The following KIF1B variants were observed in gnomAD, a reference collection of about 807,000 sequenced individuals.
KIF1B encodes kinesin-like protein KIF1B.
KIF1B carries 76 observed loss-of-function variants against 241.9 expected under a neutral mutation model. The observed-to-expected ratio is 0.31, with a 90% CI of 0.26 to 0.38. The LOEUF is 0.38. Ranked by LOEUF, KIF1B falls within the 10% of genes least tolerant of loss-of-function variation. The pLI, the probability that KIF1B is intolerant of heterozygous loss-of-function variation, is 1.00. For synonymous variants in KIF1B, 750 were observed against 796.7 expected (o/e 0.94, Z 0.99); for missense variants, 1,622 against 2,271.4 (o/e 0.71, Z 5.81).
chr1:10,328,750 G>C (rs1651813262), intron 27 of KIF1B, among the ~76,000 whole-genome samples: 1 of 152,218 alleles, frequency 6.6e-6, no homozygotes, highest in Non-Finnish European at 1.5e-5. Flanking sequence ...GTGAGGAGAA[G>C]CCTGACCTAA....
At chr1:10,269,825 T>A (rs527615369) in intron 7 of KIF1B, among the ~76,000 whole-genome samples, 11 of 152,150 alleles carry the variant, frequency 7.2e-5, no homozygotes, top group East Asian at 1.9e-4. Flanking sequence ...TCTCAAAAAA[T>A]ATATATATAT....
In KIF1B at chr1:10,334,602, C is replaced by T. The variant is rs965146326; in HGVS notation, c.3007C>T (p.Arg1003Trp). ...CATCGTCAGTGAGAAAGGTGAAGTG[C>T]GGGGATTTCTGCGTGTGGCTGTACA... The part of the protein sequence containing the change: ...VAIVSEKGEV[R>W]GFLRVAVQAI... Residue 1003 changes from arginine (R) to tryptophan (W), a missense_variant, in exon 28 of 49, where the codon CGG becomes TGG. Arg to Trp is a moderately radical substitution (Grantham distance 101). Coordinates refer to ENST00000676179, the MANE Select transcript of KIF1B (RefSeq NM_001365951.3). The T allele has an allele frequency of 6.8e-6, 11 of 1,613,780 alleles. No individual in the cohort carries two copies. Among genetic ancestry groups the T allele is most frequent in the Middle Eastern group, 1.6e-4 (1 of 6,084 alleles).
chr1:10,265,133 C>T (rs1017401823), intron 5 of KIF1B, among the ~76,000 whole-genome samples: 2 of 151,836 alleles, frequency 1.3e-5, no homozygotes, highest in African/African-American at 4.8e-5. Flanking sequence ...GTGTGTGGCT[C>T]CCAAAGTGCT....
At position 10,377,938 on chromosome 1, in the gene KIF1B, A is replaced by G. The variant is rs552772019; in HGVS notation, c.*1351A>G. 5 of 158,378 alleles carry G rather than the reference A, an allele frequency of 3.2e-5. No homozygotes were observed. The highest frequency in any genetic ancestry group is 2.0e-4 in the Admixed American group (3 of 15,172). 9.8% of individuals were successfully genotyped at this position (158,378 alleles called of 1,614,324 possible). A position where few individuals can be genotyped will look rare whatever the true frequency, so the allele number is the denominator to read the frequency against. On this transcript the variant is annotated 3_prime_UTR_variant, in exon 49 of 49. Coordinates refer to ENST00000676179, the MANE Select transcript of KIF1B (RefSeq NM_001365951.3). ...GTGACAGAGCAAGACTCTGCCTCAG[A>G]AAAAAAAAAAAATAATAATGCTGGG...
chr1:10,261,250 G>A (rs1254384936), intron 4 of KIF1B, among the ~76,000 whole-genome samples: 2 of 149,910 alleles, frequency 1.3e-5, no homozygotes, highest in Non-Finnish European at 3.0e-5. Context: ...TTACAGGCGT[G>A]AGCCACTGCA....
chr1:10,303,442 A>C lies in KIF1B; in HGVS notation c.2115+6196A>C. On this transcript the variant is annotated intron_variant, in intron 22 of 48. Transcript: ENST00000676179. The surrounding 1 kb of genome is among the most constrained non-coding windows in gnomAD (Gnocchi z 5.2). ...CTATGAGGTTGCTCTCAATGACTTCAGGCACAGTCGGCAGGAGATTGAAGC... is the reference window on the plus strand; with the variant it reads ...CTATGAGGTTGCTCTCAATGACTTCCGGCACAGTCGGCAGGAGATTGAAGC... 1 of 1,614,244 alleles carries C rather than the reference A, an allele frequency of 6.2e-7. No homozygotes were observed. Among genetic ancestry groups the C allele is most frequent in the South Asian group, 1.1e-5 (1 of 91,090 alleles).
Position 10,334,544 on chromosome 1 carries a change from G to T in KIF1B, c.2949G>T (p.Leu983=). The T allele has an allele frequency of 1.2e-6, 2 of 1,613,880 alleles. No homozygotes were observed. The highest frequency in any genetic ancestry group is 2.2e-5 in the South Asian group (2 of 91,058). The change falls in exon 28 of 49, where the codon CTG becomes CTT. Residue 983 remains leucine (L), a synonymous_variant. Transcript: ENST00000676179. ...GGGCATTTGTTTACCTGAGCAATCT[G>T]CTGTATCCCGTGCCCCTGATCCACA... The part of the protein sequence containing the change: ...VGRAFVYLSN[L]LYPVPLIHRV...
intron 28 of KIF1B, among the ~76,000 whole-genome samples, 185 bp from the exon 29 acceptor site, chr1:10,336,472 C>CT (rs1265689823): frequency 6.6e-6 from 1 of 152,170 alleles, no homozygotes; most frequent in East Asian, 1.9e-4. Flanking sequence ...ATTGACTAGT[C>CT]TCATTTGAGC....
intron 15 of KIF1B, among the ~76,000 whole-genome samples, chr1:10,290,432 T>C (rs1401863602): frequency 6.6e-6 from 1 of 152,194 alleles, no homozygotes; most frequent in African/African-American, 2.4e-5. Flanking sequence ...TAGTGTGTTA[T>C]GGCGAAATTG....
chr1:10,342,091 A>G lies in KIF1B; in HGVS notation c.3555A>G (p.Lys1185=), dbSNP rs1212106048. Residue 1185 remains lysine (K), a synonymous_variant, in exon 33 of 49, where the codon AAA becomes AAG. Transcript: ENST00000676179. ...CTGAATCATTTGTGGATTACATCAAAACCAAGCCTATTGTATTTGAAGTCT... is the reference window on the plus strand; with the variant it reads ...CTGAATCATTTGTGGATTACATCAAGACCAAGCCTATTGTATTTGAAGTCT... ...EITESFVDYI[K]TKPIVFEVFG... 1 of 1,613,794 alleles carries G rather than the reference A, an allele frequency of 6.2e-7. No homozygotes were observed. Among genetic ancestry groups the G allele is most frequent in the Non-Finnish European group, 8.5e-7 (1 of 1,179,648 alleles).
At chr1:10,355,739 G>C (rs775884514) in intron 38 of KIF1B, among the ~76,000 whole-genome samples, 3 of 151,938 alleles carry the variant, frequency 2.0e-5, no homozygotes, top group Admixed American at 6.6e-5. Context: ...TCTTCTCTCC[G>C]TCAAAAGCAT....
intron 34 of KIF1B, among the ~76,000 whole-genome samples, chr1:10,343,949 A>G (rs1652492826): frequency 6.6e-6 from 1 of 151,994 alleles, no homozygotes; most frequent in Non-Finnish European, 1.5e-5. Flanking sequence ...TTGCATAGTA[A>G]ATTTATTCTG....
chr1:10,336,622 C>G, intron 28 of KIF1B, 35 bp from the exon 29 acceptor site: 1 of 1,538,770 alleles, frequency 6.5e-7, no homozygotes, highest in Non-Finnish European at 9.0e-7. Context: ...TGTGTAGTCT[C>G]ACTCAATTCT....
intron 22 of KIF1B, chr1:10,306,859 C>T: frequency 9.8e-7 from 1 of 1,025,322 alleles, no homozygotes; most frequent in South Asian, 4.7e-5. Flanking sequence ...CTTGAGATAA[C>T]ATAGGGTAGG....
At position 10,303,272 on chromosome 1, in the gene KIF1B, T is replaced by C; in HGVS notation, c.2115+6026T>C. ...CTACCTCCCAGCAAGTTGCAAACCA[T>C]TGTTAAAAAATGTGGCCTCCCAAGC... is the stretch of plus-strand genomic sequence containing the variant. On this transcript the variant is annotated intron_variant, in intron 22 of 48. Transcript: ENST00000676179. The surrounding 1 kb of genome is among the most constrained non-coding windows in gnomAD (Gnocchi z 5.2). The C allele has an allele frequency of 6.2e-7, 1 of 1,614,092 alleles. No individual in the cohort carries two copies. Among genetic ancestry groups the C allele is most frequent in the Non-Finnish European group, 8.5e-7 (1 of 1,180,028 alleles).
Position 10,296,911 on chromosome 1 carries a change from A to T in KIF1B, c.1876A>T (p.Met626Leu), listed in dbSNP as rs1391371944. 6.2e-7 allele frequency: 1 copy of T among 1,613,938 alleles called. No homozygotes were observed. The change falls in exon 21 of 49, where the codon ATG becomes TTG. Residue 626 changes from methionine to leucine, a missense_variant. By Grantham distance (15) the Met-to-Leu change is conservative. Around this residue, in one of 7 missense-constraint regions of KIF1B, gnomAD observed 803 missense variants for 1,112.0 expected, o/e 0.72. Coordinates refer to ENST00000676179, the MANE Select transcript of KIF1B (RefSeq NM_001365951.3). ...TTTTGTGCTAGGAAACCGTATCATC[A>T]TGGGTAAAAACCATGTTTTCCGCTT... ...VQLRSGNRII[M>L]GKNHVFRFNH...
chr1:10,311,570 A>T (rs766114919), intron 22 of KIF1B, among the ~76,000 whole-genome samples: 1 of 150,458 alleles, frequency 6.6e-6, no homozygotes, highest in Non-Finnish European at 1.5e-5. Flanking sequence ...ATCTAGTCAG[A>T]CTCTTGTTCT....
At chr1:10,221,515 ATTC>A (rs1480900038) in intron 1 of KIF1B, among the ~76,000 whole-genome samples, 1 of 152,074 alleles carries the variant, frequency 6.6e-6, no homozygotes, top group Non-Finnish European at 1.5e-5. Flanking sequence ...ACACACACCA[ATTC>A]TTAAATTTTG....
rs1651626327 is a variant in KIF1B at position 10,324,042 on chromosome 1, T to C, written c.2517T>C (p.Tyr839=). The change falls in exon 25 of 49, where the codon TAT becomes TAC. Residue 839 remains tyrosine, a synonymous_variant. Transcript: ENST00000676179. ...VQDLKNGATH[Y]WSLEKLKQRL... ...ATTTGAAGAATGGAGCAACACACTA[T>C]TGGTCTTTGGAGAAACTCAAGTATG... The C allele has an allele frequency of 1.2e-6, 2 of 1,614,046 alleles. No homozygotes were observed. Among genetic ancestry groups the C allele is most frequent in the South Asian group, 1.1e-5 (1 of 91,090 alleles).
Sources: allele counts gnomAD v4.1 joint callset (sites outside exome capture counted in the v4.1 genomes callset), GRCh38; gene constraint gnomAD v4.1.1; regional missense constraint gnomAD v4.1.1; non-coding constraint Gnocchi (gnomAD v3.1); transcripts MANE v1.5; gene names NCBI Gene and HGNC (gene_info 2026-07-23, HGNC 2026-07-21).